Variants in GOLGB1 observed in about 807,000 individuals in gnomAD.
GOLGB1 encodes the protein golgin B1.
A neutral mutation model predicts 336.9 loss-of-function variants in GOLGB1; 174 were observed. That is an observed-to-expected ratio of 0.52 (90% confidence interval 0.46 to 0.59). The LOEUF (loss-of-function observed/expected upper bound fraction) is 0.59, where lower values mean the gene tolerates loss of function less well. Ranked by LOEUF, GOLGB1 falls within the 20% of genes least tolerant of loss-of-function variation. GOLGB1 has a pLI of 0.00. For missense variants in GOLGB1, 3,331 were observed against 3,645.3 expected (o/e 0.91, Z 2.22); for synonymous variants, 1,208 against 1,289.2 (o/e 0.94, Z 1.35).
rs1462416060 is a variant in GOLGB1 at position 121,664,867 on chromosome 3, C to T, written c.9660+59G>A. 4.8e-6 allele frequency: 5 copies of T among 1,043,084 alleles called. No homozygotes were observed. The Admixed American group carries it at 8.7e-5, about 18-fold the overall frequency. 64.6% of individuals were successfully genotyped at this position (1,043,084 alleles called of 1,614,324 possible). A position where few individuals can be genotyped will look rare whatever the true frequency, so the allele number is the denominator to read the frequency against. On this transcript the variant is annotated intron_variant, in intron 21 of 21. Transcript: ENST00000614479. Reference sequence around the variant, plus strand: ...TTCCTTCTCCTCAGCTCCTTGCCCCCAGTATAGCCAGCCCTGTCAGATAAT... The same window carrying T: ...TTCCTTCTCCTCAGCTCCTTGCCCCTAGTATAGCCAGCCCTGTCAGATAAT...
chr3:121,691,349 T>C lies in GOLGB1; in HGVS notation c.8015A>G (p.Lys2672Arg), dbSNP rs761640494. 4.3e-6 allele frequency: 7 copies of C among 1,612,290 alleles called. No individual in the cohort carries two copies. Among genetic ancestry groups the C allele is most frequent in the South Asian group, 3.3e-5 (3 of 90,476 alleles). Residue 2672 changes from lysine to arginine, a missense_variant, in exon 14 of 22, where the codon AAG becomes AGG. Lys to Arg is a conservative substitution (Grantham distance 26). Coordinates refer to ENST00000614479, the MANE Select transcript of GOLGB1 (RefSeq NM_001366282.2). ...TTCACCTACCTTCTTGGCAGCTTCC[T>C]TTTGAACACAAACCAATTCTTCTTC... The part of the protein sequence containing the change: ...ELEEELVCVQ[K>R]EAAKKVGEIE...
At chr3:121,740,732 T>C (rs957653331) in intron 1 of GOLGB1, among the ~76,000 whole-genome samples, 5 of 152,164 alleles carry the variant, frequency 3.3e-5, no homozygotes, top group African/African-American at 1.2e-4. Context: ...CAGATAAATA[T>C]TGAAGATAAG....
chr3:121,691,038 A>G lies in GOLGB1; in HGVS notation c.8326T>C (p.Leu2776=), dbSNP rs774266584. ...CTGTTTAAGAGTCCCTGTTCTTTCA[A>G]CTGTGCCAATTCCTTCAGACTGGCA... ...YDASLKELAQ[L]KEQGLLNRER... is the part of the protein sequence containing the mutation. Residue 2776 remains leucine (L), a synonymous_variant, in exon 14 of 22, where the codon TTG becomes CTG. Transcript: ENST00000614479. 1 of 1,614,022 alleles carries G rather than the reference A, an allele frequency of 6.2e-7. No individual in the cohort carries two copies. The highest frequency in any genetic ancestry group is 8.5e-7 in the Non-Finnish European group (1 of 1,179,948).
chr3:121,698,885 C>T lies in GOLGB1; in HGVS notation c.1638G>A (p.Glu546=). The T allele has an allele frequency of 6.2e-7, 1 of 1,605,648 alleles. No individual in the cohort carries two copies. The highest frequency in any genetic ancestry group is 2.2e-5 in the East Asian group (1 of 44,842). ...TTTCTAGAACATCTTGTCCACTTTC[C>T]TCAGCAGAAGAGCTCCTCTTGTTGG... The part of the protein sequence containing the change: ...DIANKRSSSA[E]ESGQDVLENT... Residue 546 remains glutamate, a synonymous_variant, in exon 13 of 22, where the codon GAG becomes GAA. Transcript: ENST00000614479.
At position 121,695,859 on chromosome 3, in the gene GOLGB1, T is replaced by C. The variant is rs1402182325; in HGVS notation, c.4664A>G (p.Lys1555Arg). Residue 1555 changes from lysine to arginine, a missense_variant, in exon 13 of 22, where the codon AAA (lysine) becomes AGA (arginine). Physicochemically the swap from Lys to Arg is conservative, Grantham distance 26. Transcript: ENST00000614479. ...RLALLQEERD[K>R]LITEMDRSLL... ...AGACCTGTCCATTTCTGTAATGAGT[T>C]TGTCTCTTTCTTCTTGAAGAAGAGC... 5 of 1,613,980 alleles carry C rather than the reference T, an allele frequency of 3.1e-6. No homozygotes were observed. The South Asian group carries it at 4.4e-5, about 14-fold the overall frequency.
rs1385282655 is a variant in GOLGB1 at position 121,663,997 on chromosome 3, G to A, written c.*483C>T. On this transcript the variant is annotated 3_prime_UTR_variant, in exon 22 of 22. Transcript: ENST00000614479. ...ACCTAAATCAGATGTCCTATGAGGT[G>A]ACATGTTCATTTCCCTGAACTCTGT... The A allele has an allele frequency of 1.8e-5, 3 of 165,284 alleles. No individual in the cohort carries two copies. The highest frequency in any genetic ancestry group is 7.2e-5 in the African/African-American group (3 of 41,818). The allele number at this position is 165,284 out of a possible 1,614,324, so 10.2% of individuals were successfully genotyped here. A position where few individuals can be genotyped will look rare whatever the true frequency, so the allele number is the denominator to read the frequency against.
chr3:121,668,860 G>A (rs181663957), intron 18 of GOLGB1, among the ~76,000 whole-genome samples: 7 of 152,078 alleles, frequency 4.6e-5, no homozygotes, highest in Middle Eastern at 6.8e-3. Context: ...CTCCCTGGCT[G>A]TCAACAGTGC....
At chr3:121,749,455 C>T (rs1947607354) in intron 1 of GOLGB1, among the ~76,000 whole-genome samples, 177 bp downstream of exon 1, 1 of 152,206 alleles carries the variant, frequency 6.6e-6, no homozygotes, top group South Asian at 2.1e-4. Context: ...GCTACTAGAA[C>T]TAGGCCTGGT....
At chr3:121,732,607 A>G (rs1946192769) in intron 1 of GOLGB1, among the ~76,000 whole-genome samples, 1 of 152,248 alleles carries the variant, frequency 6.6e-6, no homozygotes, top group African/African-American at 2.4e-5. Context: ...AGACTAAATA[A>G]GGAAAACCAC....
chr3:121,688,393 G>C (rs2107742356), intron 14 of GOLGB1, among the ~76,000 whole-genome samples: 1 of 152,374 alleles, frequency 6.6e-6, no homozygotes, highest in African/African-American at 2.4e-5. Context: ...TCGCTGTGTT[G>C]GCCGGGCTGG....
rs1940452031 is a variant in GOLGB1 at position 121,676,818 on chromosome 3, A to G, written c.9177+75T>C. Reference sequence around the variant, plus strand: ...TGCTACAGCTGGGACTCTATGCTGAATTGGCTTCTACTTGCCTTCTTGTTC... The same window carrying G: ...TGCTACAGCTGGGACTCTATGCTGAGTTGGCTTCTACTTGCCTTCTTGTTC... On this transcript the variant is annotated intron_variant, in intron 17 of 21. Transcript: ENST00000614479. The G allele has an allele frequency of 4.7e-6, 6 of 1,284,600 alleles. No individual in the cohort carries two copies. The South Asian group carries it at 7.3e-5, about 16-fold the overall frequency. 79.6% of individuals were successfully genotyped at this position (1,284,600 alleles called of 1,614,324 possible).
intron 19 of GOLGB1, 29 bp from the exon 20 acceptor site, chr3:121,667,639 T>C: frequency 6.2e-7 from 1 of 1,608,552 alleles, no homozygotes; most frequent in South Asian, 1.1e-5. Flanking sequence ...ACAAAAAGCA[T>C]CATCAGATGC....
rs1420217301 is a variant in GOLGB1 at position 121,664,363 on chromosome 3, G to A, written c.*117C>T. The A allele has an allele frequency of 1.4e-5, 13 of 924,454 alleles. No individual in the cohort carries two copies. In the South Asian group the frequency reaches 1.9e-4, roughly 14 times the overall value. 57.3% of individuals were successfully genotyped at this position (924,454 alleles called of 1,614,324 possible). A position where few individuals can be genotyped will look rare whatever the true frequency, so the allele number is the denominator to read the frequency against. On this transcript the variant is annotated 3_prime_UTR_variant, in exon 22 of 22. Transcript: ENST00000614479. ...TGTTTTTGCAGGCACTTTCCGTGAA[G>A]AGTTGGAGAGAAGACCTGTAAATGG...
chr3:121,720,997 G>A (rs1945153220), intron 6 of GOLGB1, among the ~76,000 whole-genome samples: 1 of 152,016 alleles, frequency 6.6e-6, no homozygotes, highest in African/African-American at 2.4e-5. Flanking sequence ...CTTAACACAT[G>A]TATGTATCTT....
chr3:121,689,250 C>A (rs528404464), intron 14 of GOLGB1, among the ~76,000 whole-genome samples: 1 of 152,318 alleles, frequency 6.6e-6, no homozygotes, highest in East Asian at 1.9e-4. Flanking sequence ...CGGATGGTTG[C>A]CATGTCTGTG....
In GOLGB1 at chr3:121,691,881, T is replaced by C. The variant is rs115011985; in HGVS notation, c.7483A>G (p.Ile2495Val). 5.7e-5 allele frequency: 92 copies of C among 1,613,750 alleles called. No homozygotes were observed. Among genetic ancestry groups the C allele is most frequent in the African/African-American group, 5.1e-4 (38 of 75,048 alleles). The change falls in exon 14 of 22, where the codon ATA becomes GTA. Residue 2495 changes from isoleucine to valine, a missense_variant. Transcript: ENST00000614479. The stretch of plus-strand genomic sequence containing the variant: ...ATGAGTTGGTCTTTTTCCAAGATTA[T>C]AGAGAGATGTCGCTCTTCCAGCTGT... ...YQQLEERHLSIILEKDQLIQE... is the reference protein window; with the variant it reads ...YQQLEERHLSVILEKDQLIQE...
In GOLGB1 at chr3:121,729,853, A is replaced by T. The variant is rs749496411; in HGVS notation, c.249+12T>A. ...TCAAATGCTCCACAAGAAAGGATAA[A>T]AACAATAGTACCTGTAGAGCTTCAT... On this transcript the variant is annotated intron_variant, in intron 3 of 21. Transcript: ENST00000614479. The T allele has an allele frequency of 1.3e-6, 2 of 1,594,972 alleles. No individual in the cohort carries two copies. The highest frequency in any genetic ancestry group is 1.7e-6 in the Non-Finnish European group (2 of 1,168,112).
chr3:121,669,393 C>G, intron 17 of GOLGB1, 38 bp from the exon 18 acceptor site: 1 of 1,574,088 alleles, frequency 6.4e-7, no homozygotes, highest in Non-Finnish European at 8.7e-7. Flanking sequence ...TCCTGCAGTA[C>G]TGTAAGCAGT....
At chr3:121,689,545 C>T (rs2107761817) in intron 14 of GOLGB1, among the ~76,000 whole-genome samples, 1 of 151,510 alleles carries the variant, frequency 6.6e-6, no homozygotes, top group South Asian at 2.1e-4. Context: ...CCTAGGAAAA[C>T]CAGAGACCTT....
Sources: gnomAD v4.1 joint callset for allele counts (sites outside exome capture counted in the v4.1 genomes callset) on GRCh38, gnomAD v4.1.1 for gene constraint, MANE v1.5 for transcripts, NCBI Gene and HGNC (gene_info 2026-07-23, HGNC 2026-07-21) for gene names.